Variants in PCBP3 observed in about 807,000 individuals in gnomAD.
PCBP3 encodes poly(rC)-binding protein 3.
In PCBP3, 25 loss-of-function variants were observed where a neutral mutation model predicts 52.7. The ratio of observed to expected loss-of-function variants is 0.47; its 90% confidence interval spans 0.35 to 0.66. The LOEUF is 0.66. Among genes scored for constraint, PCBP3 ranks in the 30% least tolerant of loss-of-function variants. PCBP3 has a pLI of 0.01. For missense variants in PCBP3, 391 were observed against 490.3 expected (o/e 0.80, Z 1.91); for synonymous variants, 162 against 183.0 (o/e 0.89, Z 0.93).
At position 45,802,553 on chromosome 21, in the gene PCBP3, A is replaced by G. The variant is rs2092346553; in HGVS notation, c.-126+47101A>G. Among the ~76,000 whole-genome samples, 1 of 152,162 alleles carries G rather than the reference A, an allele frequency of 6.6e-6. No individual in the cohort carries two copies. The highest frequency in any genetic ancestry group is 1.5e-5 in the Non-Finnish European group (1 of 68,018). ...AAAAGTGAGCCATGCTGGAGAAGGG[A>G]CAGGAGCCCCTGGGAGACGTAAGAG... On this transcript the variant is annotated intron_variant, in intron 4 of 17. Coordinates refer to ENST00000681687, the MANE Select transcript of PCBP3 (RefSeq NM_001384156.1). The surrounding 1 kb of genome is among the most constrained non-coding windows in gnomAD (Gnocchi z 5.1).
intron 17 of PCBP3, among the ~76,000 whole-genome samples, chr21:45,940,750 TC>T (rs999445408): frequency 1.6e-5 from 1 of 63,392 alleles, no homozygotes; most frequent in Admixed American, 1.3e-4. Context: ...ATACCACCAG[TC>T]CCCCCGCCAG....
In PCBP3 at chr21:45,741,122, G is replaced by A. The variant is rs2086416839; in HGVS notation, c.-162+5693G>A. Among the ~76,000 whole-genome samples, 1 of 152,200 alleles carries A rather than the reference G, an allele frequency of 6.6e-6. No individual in the cohort carries two copies. The highest frequency in any genetic ancestry group is 6.5e-5 in the Admixed American group (1 of 15,282). On this transcript the variant is annotated intron_variant, in intron 3 of 17. Transcript: ENST00000681687. The surrounding 1 kb of genome is among the most constrained non-coding windows in gnomAD (Gnocchi z 4.5). Reference sequence around the variant, plus strand: ...AACCTAGGAACAGACACAGGAGGGAGGGAAAGGAGCCACTTGGTGGGTGAG... The same window carrying A: ...AACCTAGGAACAGACACAGGAGGGAAGGAAAGGAGCCACTTGGTGGGTGAG...
In PCBP3 at chr21:45,892,495, C is replaced by G. The variant is rs60090020; in HGVS notation, c.11-3713C>G. Among the ~76,000 whole-genome samples, 371 of 52,898 alleles carry G rather than the reference C, an allele frequency of 7.0e-3. 4 individuals are homozygous for G. The highest frequency in any genetic ancestry group is 0.015 in the Middle Eastern group (1 of 68). The allele number at this position is 52,898 out of a possible 152,430, so 34.7% of individuals were successfully genotyped here. On this transcript the variant is annotated intron_variant, in intron 5 of 17. Transcript: ENST00000681687. ...TGGGGGGGGGGGCGGTCCCGTCTCT[C>G]ACGGGGCGTGGAGGGCGCAGTCCCG...
rs559063452 is a variant in PCBP3, at chr21:45,846,279, A to G, written c.-125-3682A>G. Among the ~76,000 whole-genome samples, 4 of 152,190 alleles carry G rather than the reference A, an allele frequency of 2.6e-5. No homozygotes were observed. In the South Asian group the frequency reaches 8.3e-4, roughly 32 times the overall value. ...CCTTAGGTGTTTCTAAAATGATATAAATTACCAAGGAAATAGCCTTTGGTT... is the reference window on the plus strand; with the variant it reads ...CCTTAGGTGTTTCTAAAATGATATAGATTACCAAGGAAATAGCCTTTGGTT... On this transcript the variant is annotated intron_variant, in intron 4 of 17. Transcript: ENST00000681687.
At chr21:45,845,068 C>T (rs13049003) in intron 4 of PCBP3, among the ~76,000 whole-genome samples, 1 of 152,120 alleles carries the variant, frequency 6.6e-6, no homozygotes, top group Admixed American at 6.5e-5. Flanking sequence ...ACTGTTCTCC[C>T]TAAAAGGACC....
At chr21:45,739,152 TCCA>T (rs1478289081) in intron 3 of PCBP3, among the ~76,000 whole-genome samples, 1 of 117,268 alleles carries the variant, frequency 8.5e-6, no homozygotes. Context: ...CCCCTTCCTG[TCCA>T]TTGTCCTCTG....
At chr21:45,747,228 G>C (rs2086976164) in intron 3 of PCBP3, among the ~76,000 whole-genome samples, 1 of 152,216 alleles carries the variant, frequency 6.6e-6, no homozygotes, top group Admixed American at 6.5e-5. Flanking sequence ...AGTCTGGTGA[G>C]ATTTATTCAC....
chr21:45,864,540 T>C (rs533648407), intron 5 of PCBP3, among the ~76,000 whole-genome samples: 1 of 152,364 alleles, frequency 6.6e-6, no homozygotes, highest in African/African-American at 2.4e-5. Context: ...AGTGTTCCCT[T>C]AGCTCAGGAT....
At chr21:45,695,438 C>T (rs2082712896) in intron 2 of PCBP3, among the ~76,000 whole-genome samples, 2 of 152,164 alleles carry the variant, frequency 1.3e-5, no homozygotes, top group Admixed American at 1.3e-4. Flanking sequence ...ACAGGCACCT[C>T]AGCACTGGCT....
At chr21:45,931,954 A>G (rs905629245) in intron 15 of PCBP3, among the ~76,000 whole-genome samples, 5 of 150,740 alleles carry the variant, frequency 3.3e-5, no homozygotes, top group Non-Finnish European at 4.4e-5. Context: ...CACCCGGGCC[A>G]TGCTGTCCTG....
At chr21:45,908,561 G>A (rs552591411) in intron 9 of PCBP3, among the ~76,000 whole-genome samples, 1 of 152,274 alleles carries the variant, frequency 6.6e-6, no homozygotes, top group East Asian at 1.9e-4. Flanking sequence ...TCCAGAGCTG[G>A]GGGTGTCCTG....
intron 5 of PCBP3, among the ~76,000 whole-genome samples, chr21:45,881,663 C>G (rs1254994584): frequency 6.6e-6 from 1 of 152,204 alleles, no homozygotes; most frequent in East Asian, 1.9e-4. Context: ...AGCTCCCCAG[C>G]CTGTTTGACT....
At chr21:45,930,517 G>A (rs796404261) in intron 14 of PCBP3, among the ~76,000 whole-genome samples, 10 of 152,320 alleles carry the variant, frequency 6.6e-5, no homozygotes, top group African/African-American at 1.9e-4. Context: ...GTGGCCATCC[G>A]TGGCAAGCCC....
intron 5 of PCBP3, among the ~76,000 whole-genome samples, chr21:45,885,525 G>A (rs779467014): frequency 9.2e-5 from 14 of 152,130 alleles, no homozygotes; most frequent in Non-Finnish European, 1.9e-4. Flanking sequence ...GGACATGAAT[G>A]TTAGGTCCTC....
At chr21:45,761,922 T>C (rs2088708077) in intron 4 of PCBP3, 1 of 152,290 alleles carries the variant, frequency 6.6e-6, no homozygotes, top group Non-Finnish European at 1.5e-5. Flanking sequence ...TGGCATCTTG[T>C]AACTGGTCTC....
At chr21:45,783,811 A>G (rs1342976122) in intron 4 of PCBP3, among the ~76,000 whole-genome samples, 4 of 152,202 alleles carry the variant, frequency 2.6e-5, no homozygotes, top group Non-Finnish European at 5.9e-5. Context: ...TCACGCCAGC[A>G]GTGGTGAGGG....
chr21:45,919,255 T>C (rs2074056946), intron 13 of PCBP3: 2 of 152,228 alleles, frequency 1.3e-5, no homozygotes, highest in South Asian at 2.1e-4. Flanking sequence ...CAGTAGCTGC[T>C]CCTCGTAACG....
At position 45,880,983 on chromosome 21, in the gene PCBP3, G is replaced by C. The variant is rs1463147022; in HGVS notation, c.11-15225G>C. Among the ~76,000 whole-genome samples the C allele has an allele frequency of 6.6e-6, 1 of 152,196 alleles. No individual in the cohort carries two copies. The highest frequency in any genetic ancestry group is 2.1e-4 in the South Asian group (1 of 4,824). On this transcript the variant is annotated intron_variant, in intron 5 of 17. Coordinates refer to ENST00000681687, the MANE Select transcript of PCBP3 (RefSeq NM_001384156.1). The surrounding 1 kb of genome is among the most constrained non-coding windows in gnomAD (Gnocchi z 5.4). ...AGAAGCTCACTGGCAGCGTCAGGCA[G>C]CTCATGCCCAGCCAAGTGCTCCTGA... is the stretch of plus-strand genomic sequence containing the variant.
In PCBP3 at chr21:45,933,330, A is replaced by G. The variant is rs13433495; in HGVS notation, c.857-1923A>G. On this transcript the variant is annotated intron_variant, in intron 15 of 17. Coordinates refer to ENST00000681687, the MANE Select transcript of PCBP3 (RefSeq NM_001384156.1). ...CCTGAGATGAATGAACACATTGACC[A>G]TGCTGTCCTGAGATGATTGTCCTGG... Among the ~76,000 whole-genome samples the G allele has an allele frequency of 3.0e-3, 464 of 152,392 alleles. 1 individual carries two copies. Among genetic ancestry groups the G allele is most frequent in the African/African-American group, 0.011 (437 of 41,598 alleles).
Sources: gnomAD v4.1 joint callset for allele counts (sites outside exome capture counted in the v4.1 genomes callset) on GRCh38, gnomAD v4.1.1 for gene constraint, Gnocchi (gnomAD v3.1) non-coding constraint, MANE v1.5 for transcripts, NCBI Gene and HGNC (gene_info 2026-07-23, HGNC 2026-07-21) for gene names.